Variants in KNTC1 observed in about 807,000 individuals in gnomAD.
KNTC1 encodes the protein kinetochore associated 1, also known as kinetochore-associated protein 1.
A neutral mutation model predicts 314.4 loss-of-function variants in KNTC1; 253 were observed. The ratio of observed to expected loss-of-function variants is 0.80; its 90% CI spans 0.73 to 0.89. The LOEUF is 0.89. KNTC1 is among the 40% of genes least tolerant of loss of function. KNTC1 has a pLI of 0.00. For missense variants in KNTC1, 2,475 were observed against 2,572.9 expected, an observed-to-expected ratio of 0.96 and a Z score of 0.82; for synonymous variants, 901 against 901.4, an observed-to-expected ratio of 1.00 and a Z score of 0.01.
intron 10 of KNTC1, 62 bp from the exon 11 acceptor site, chr12:122,547,353 C>T (rs544995137): frequency 2.2e-5 from 23 of 1,024,526 alleles, no homozygotes; most frequent in Admixed American, 6.0e-5. Context: ...CCAGCCTGGG[C>T]GACAAGAGCA....
chr12:122,596,363 G>A (rs1308485170), intron 43 of KNTC1, among the ~76,000 whole-genome samples: 1 of 151,916 alleles, frequency 6.6e-6, no homozygotes, highest in Non-Finnish European at 1.5e-5. Flanking sequence ...GATTACAGGC[G>A]TGAGCCACCA....
intron 4 of KNTC1, among the ~76,000 whole-genome samples, chr12:122,539,249 A>G (rs1962091531): frequency 6.6e-6 from 1 of 152,214 alleles, no homozygotes; most frequent in Non-Finnish European, 1.5e-5. Flanking sequence ...GGGAATGCCC[A>G]GACATATGAA....
At chr12:122,580,330 G>C (rs1205931214) in intron 32 of KNTC1, among the ~76,000 whole-genome samples, 3 of 152,136 alleles carry the variant, frequency 2.0e-5, no homozygotes, top group Non-Finnish European at 4.4e-5. Context: ...AGTGAAGAAA[G>C]TAACTTTCCA....
chr12:122,572,824 C>G (rs1964783302), intron 24 of KNTC1, 113 bp from the exon 25 acceptor site: 2 of 838,296 alleles, frequency 2.4e-6, no homozygotes, highest in South Asian at 2.0e-5. Context: ...TGCAGGTTTC[C>G]TCTTACGTGC....
intron 19 of KNTC1, 85 bp from the exon 20 acceptor site, chr12:122,562,551 CAT>C (rs748454207): frequency 9.6e-6 from 8 of 831,354 alleles, no homozygotes; most frequent in Admixed American, 4.2e-5. Flanking sequence ...TGTGTATAGA[CAT>C]GTGAAATGTA....
rs749028658 is a variant in KNTC1, at chr12:122,557,522, T to C, written c.1398+13T>C. 5.6e-6 allele frequency: 9 copies of C among 1,613,064 alleles called. No individual in the cohort carries two copies. In the Admixed American group the frequency reaches 1.3e-4, roughly 24 times the overall value. On this transcript the variant is annotated intron_variant, in intron 17 of 63. Transcript: ENST00000333479. The stretch of plus-strand genomic sequence containing the variant: ...ACATAAGATCCAGGTATGTTTTTCT[T>C]GTCACATACTACAGTATTTAGATTG...
intron 42 of KNTC1, among the ~76,000 whole-genome samples, chr12:122,592,209 C>T (rs916227451): frequency 1.1e-4 from 17 of 152,230 alleles, no homozygotes; most frequent in African/African-American, 2.9e-4. Flanking sequence ...CCAGCAGTAC[C>T]AGCCCACGGG....
intron 63 of KNTC1, among the ~76,000 whole-genome samples, chr12:122,625,064 T>C (rs1016440805): frequency 6.6e-6 from 1 of 152,200 alleles, no homozygotes; most frequent in East Asian, 1.9e-4. Context: ...GCTTTTTAAA[T>C]TAATTATTAT....
chr12:122,579,915 G>A lies in KNTC1; in HGVS notation c.2852G>A (p.Trp951Ter), dbSNP rs780232822. The stretch of plus-strand genomic sequence containing the variant: ...TTTATTTATTTTTAGGGCAAGGCCT[G>A]GAGAATGTCTGTAGCGAAGACATCC... ...EPDHSKEGKAWRMSVAKTSVD... is the reference protein window; with the variant it reads ...EPDHSKEGKA The change falls in exon 32 of 64, where the codon TGG becomes TAG. Residue 951 changes from tryptophan (W) to a stop codon, truncating the protein, a stop_gained. Transcript: ENST00000333479. LOFTEE classifies it high-confidence loss of function. 6.2e-7 allele frequency: 1 copy of A among 1,608,380 alleles called. No individual in the cohort carries two copies. Among genetic ancestry groups the A allele is most frequent in the South Asian group, 1.1e-5 (1 of 90,834 alleles).
At chr12:122,541,334 TCTGTC>T (rs1565934849) in intron 5 of KNTC1, among the ~76,000 whole-genome samples, 9 of 147,484 alleles carry the variant, frequency 6.1e-5, no homozygotes, top group African/African-American at 1.5e-4. Flanking sequence ...CCGTCCTTCC[TCTGTC>T]TCTCCCTCTC....
At chr12:122,553,235 G>C (rs1034536317) in intron 16 of KNTC1, among the ~76,000 whole-genome samples, 1 of 152,098 alleles carries the variant, frequency 6.6e-6, no homozygotes, top group African/African-American at 2.4e-5. Context: ...AAGGGCAGGG[G>C]ACTTGAGGTT....
chr12:122,617,363 G>A (rs1041104998), intron 57 of KNTC1: 1 of 447,176 alleles, frequency 2.2e-6, no homozygotes, highest in African/African-American at 2.0e-5. Context: ...TCTATTGATG[G>A]AAGTTTACAT....
At chr12:122,534,208 G>T (rs1961602178) in intron 2 of KNTC1, among the ~76,000 whole-genome samples, 1 of 152,242 alleles carries the variant, frequency 6.6e-6, no homozygotes. Flanking sequence ...GGCCATGCCA[G>T]TGCTGCATCC....
In KNTC1 at chr12:122,541,349, C is replaced by CT. The variant is rs1195872244; in HGVS notation, c.446-688dup. ...CCGTCCTTCCTCTGTCTCTCCCTCT[C>CT]TTTTTTTTTTTTTCTGAGATGGAGT... On this transcript the variant is annotated intron_variant, in intron 5 of 63. Coordinates refer to ENST00000333479, the MANE Select transcript of KNTC1 (RefSeq NM_014708.6). Among the ~76,000 whole-genome samples, 324 of 131,462 alleles carry CT rather than the reference C, an allele frequency of 2.5e-3. 1 individual carries two copies. Among genetic ancestry groups the CT allele is most frequent in the African/African-American group, 6.8e-3 (246 of 36,022 alleles). The allele number at this position is 131,462 out of a possible 152,430, so 86.2% of individuals were successfully genotyped here.
chr12:122,579,843 G>T (rs1593596751), intron 31 of KNTC1, 62 bp from the exon 32 acceptor site: 3 of 1,088,068 alleles, frequency 2.8e-6, no homozygotes, highest in Non-Finnish European at 4.1e-6. Context: ...ATTTGTATAT[G>T]TACTACTGAA....
At chr12:122,618,310 A>G (rs1593691898) in intron 57 of KNTC1, 33 bp from the exon 58 acceptor site, 2 of 1,604,612 alleles carry the variant, frequency 1.2e-6, no homozygotes, top group Non-Finnish European at 1.7e-6. Context: ...TATCCTTAAC[A>G]TGAATATCCC....
chr12:122,614,354 C>T (rs1873525701), intron 55 of KNTC1, among the ~76,000 whole-genome samples: 1 of 152,120 alleles, frequency 6.6e-6, no homozygotes, highest in Non-Finnish European at 1.5e-5. Context: ...GTCCGGTAGA[C>T]AGAGGATGTC....
Position 122,601,588 on chromosome 12 carries a change from G to A in KNTC1, c.4616G>A (p.Arg1539Gln), listed in dbSNP as rs537391298. ...GAAGTTGTCTTGAAAGTTATAGAAC[G>A]AGCTGATGAAAAGATAACCAATATT... ...MIEVVLKVIERADEKITNINI... is the reference protein window; with the variant it reads ...MIEVVLKVIEQADEKITNINI... Residue 1539 changes from arginine (R) to glutamine (Q), a missense_variant, in exon 45 of 64, where the codon CGA becomes CAA. Arg to Gln is a conservative substitution (Grantham distance 43). Transcript: ENST00000333479. 8.5e-6 allele frequency: 13 copies of A among 1,536,664 alleles called. No homozygotes were observed. In the East Asian group the frequency reaches 1.5e-4, roughly 18 times the overall value.
intron 48 of KNTC1, among the ~76,000 whole-genome samples, chr12:122,603,771 G>A (rs573256845): frequency 3.3e-5 from 5 of 152,176 alleles, no homozygotes; most frequent in East Asian, 1.9e-4. Context: ...GATTACAGGC[G>A]TGAGCCACTG....
Sources: gnomAD v4.1 joint callset for allele counts (sites outside exome capture counted in the v4.1 genomes callset) on GRCh38, gnomAD v4.1.1 for gene constraint, MANE v1.5 for transcripts, NCBI Gene and HGNC (gene_info 2026-07-23, HGNC 2026-07-21) for gene names.